Variants in STX8 observed in about 807,000 individuals in gnomAD.
The protein encoded by STX8 is syntaxin 8.
Under a neutral mutation model 37.5 loss-of-function variants are expected in STX8, and 23 were observed. The ratio of observed to expected loss-of-function variants is 0.61; its 90% CI spans 0.44 to 0.87. The LOEUF (loss-of-function observed/expected upper bound fraction) is 0.87. STX8 is among the 40% of genes least tolerant of loss of function. The pLI is 0.00. For missense variants in STX8, 313 were observed against 284.7 expected, an observed-to-expected ratio of 1.10 and a Z score of -0.71; for synonymous variants, 115 against 99.1, an observed-to-expected ratio of 1.16 and a Z score of -0.95.
intron 6 of STX8, among the ~76,000 whole-genome samples, chr17:9,481,387 G>A (rs116432679): frequency 0.026 from 3,936 of 152,198 alleles, 141 homozygotes; most frequent in African/African-American, 0.087. Flanking sequence ...AAAGGACAGC[G>A]GTTTCTAACT....
chr17:9,322,860 A>T (rs1025591594), intron 7 of STX8, among the ~76,000 whole-genome samples: 7 of 150,088 alleles, frequency 4.7e-5, no homozygotes, highest in Non-Finnish European at 1.0e-4. Flanking sequence ...CCCTCATTTG[A>T]AGTTGAAGAA....
At chr17:9,575,170 C>A (rs1907852519) in intron 1 of STX8, among the ~76,000 whole-genome samples, 2 of 152,316 alleles carry the variant, frequency 1.3e-5, no homozygotes, top group South Asian at 4.1e-4. Context: ...AAATAAATCA[C>A]CCTTATCAGC....
chr17:9,489,175 C>G (rs1426265645), intron 6 of STX8, among the ~76,000 whole-genome samples: 1 of 152,286 alleles, frequency 6.6e-6, no homozygotes, highest in Admixed American at 6.5e-5. Flanking sequence ...CTGCACCCAG[C>G]CTTGTGTTGT....
intron 7 of STX8, among the ~76,000 whole-genome samples, chr17:9,329,050 CAAAAAAAAAAAAAAAAAAA>C (rs998679728): frequency 7.1e-5 from 2 of 28,010 alleles, no homozygotes; most frequent in East Asian, 1.4e-3. Flanking sequence ...GATTCCATCT[CAAAAAAAAAAAAAAAAAAA>C]AAAAAAAAAA....
At chr17:9,269,167 A>G (rs1308303700) in intron 7 of STX8, among the ~76,000 whole-genome samples, 2 of 148,530 alleles carry the variant, frequency 1.3e-5, no homozygotes, top group Non-Finnish European at 3.0e-5. Context: ...AGCCTGGGCG[A>G]TAGAGCAAGA....
At chr17:9,512,383 T>C (rs895162441) in intron 4 of STX8, among the ~76,000 whole-genome samples, 2 of 151,850 alleles carry the variant, frequency 1.3e-5, no homozygotes, top group African/African-American at 2.4e-5. Context: ...GTTTTTATGA[T>C]ACTGACATAA....
At chr17:9,485,309 C>A (rs1033898164) in intron 6 of STX8, among the ~76,000 whole-genome samples, 5 of 152,070 alleles carry the variant, frequency 3.3e-5, no homozygotes, top group African/African-American at 1.2e-4. Context: ...GCTGACAGGA[C>A]AGGACAGGAC....
Position 9,340,649 on chromosome 17 carries a change from A to ATTTTTTTT in STX8, c.643+37895_643+37902dup, listed in dbSNP as rs66679333. Among the ~76,000 whole-genome samples the ATTTTTTTT allele has an allele frequency of 5.6e-3, 348 of 62,076 alleles. 1 individual carries two copies. Among genetic ancestry groups the ATTTTTTTT allele is most frequent in the East Asian group, 0.012 (19 of 1,634 alleles). 40.7% of individuals were successfully genotyped at this position (62,076 alleles called of 152,430 possible). ...CTGTTTCTTATCAATGTTGCACTTGATTTTTTTTTTTTTTTTTTTTTTTTT... is the reference window on the plus strand; with the variant it reads ...CTGTTTCTTATCAATGTTGCACTTGATTTTTTTTTTTTTTTTTTTTTTTTTTTTTTTTT... On this transcript the variant is annotated intron_variant, in intron 7 of 7. Coordinates refer to ENST00000306357, the MANE Select transcript of STX8 (RefSeq NM_004853.3).
At chr17:9,480,184 C>T (rs1373239045) in intron 6 of STX8, among the ~76,000 whole-genome samples, 1 of 152,146 alleles carries the variant, frequency 6.6e-6, no homozygotes, top group African/African-American at 2.4e-5. Flanking sequence ...AGAACAAATA[C>T]TCCAGGAGGG....
chr17:9,282,200 T>C (rs1479982212), intron 7 of STX8, among the ~76,000 whole-genome samples: 1 of 152,250 alleles, frequency 6.6e-6, no homozygotes, highest in Admixed American at 6.5e-5. Context: ...TGGCGTGATC[T>C]TGGCTTACTG....
At chr17:9,526,523 A>G (rs1351769187) in intron 4 of STX8, among the ~76,000 whole-genome samples, 1 of 152,234 alleles carries the variant, frequency 6.6e-6, no homozygotes, top group East Asian at 1.9e-4. Context: ...TATTTTCAAC[A>G]AACAAGAACA....
At chr17:9,294,807 C>T (rs1908453950) in intron 7 of STX8, among the ~76,000 whole-genome samples, 1 of 152,108 alleles carries the variant, frequency 6.6e-6, no homozygotes, top group African/African-American at 2.4e-5. Context: ...AAAATGAGGT[C>T]ATAAGAGTGG....
chr17:9,414,197 GCA>G (rs1054659832), intron 6 of STX8, among the ~76,000 whole-genome samples: 1 of 149,580 alleles, frequency 6.7e-6, no homozygotes, highest in Non-Finnish European at 1.5e-5. Context: ...CGAAAATCCA[GCA>G]CAGACTCCTG....
At chr17:9,357,677 A>G (rs1910932512) in intron 7 of STX8, among the ~76,000 whole-genome samples, 1 of 152,124 alleles carries the variant, frequency 6.6e-6, no homozygotes, top group African/African-American at 2.4e-5. Flanking sequence ...GCTGGACAAC[A>G]GAGTGAGACT....
At chr17:9,532,813 C>T (rs1905869828) in intron 4 of STX8, among the ~76,000 whole-genome samples, 2 of 151,954 alleles carry the variant, frequency 1.3e-5, no homozygotes, top group South Asian at 4.1e-4. Flanking sequence ...TCACTGTACA[C>T]ATTATATGGC....
At chr17:9,487,829 C>T (rs988484176) in intron 6 of STX8, among the ~76,000 whole-genome samples, 2 of 152,158 alleles carry the variant, frequency 1.3e-5, no homozygotes, top group Admixed American at 6.5e-5. Context: ...CACGTGGATG[C>T]GCTTCTGTGC....
At chr17:9,338,054 T>TC (rs1255322306) in intron 7 of STX8, among the ~76,000 whole-genome samples, 58 of 139,578 alleles carry the variant, frequency 4.2e-4, no homozygotes, top group African/African-American at 1.6e-3. Flanking sequence ...AAGGATTTTT[T>TC]TTTTTTTTTT....
intron 7 of STX8, among the ~76,000 whole-genome samples, chr17:9,363,160 T>A (rs1450584194): frequency 6.6e-6 from 1 of 152,130 alleles, no homozygotes; most frequent in Non-Finnish European, 1.5e-5. Context: ...TCAAAGACCA[T>A]CCAGTGGCAA....
At chr17:9,266,065 G>T (rs573011374) in intron 7 of STX8, among the ~76,000 whole-genome samples, 29 of 152,166 alleles carry the variant, frequency 1.9e-4, no homozygotes, top group African/African-American at 6.3e-4. Flanking sequence ...GGTAAGACTA[G>T]GGTGCCTTCC....
Sources: allele counts gnomAD v4.1 joint callset (sites outside exome capture counted in the v4.1 genomes callset), GRCh38; gene constraint gnomAD v4.1.1; transcripts MANE v1.5; gene names NCBI Gene and HGNC (gene_info 2026-07-23, HGNC 2026-07-21).